Variants in FBXO9 observed in about 807,000 individuals in gnomAD.
The protein encoded by FBXO9 is F-box only protein 9.
FBXO9 carries 43 observed loss-of-function variants against 63.7 expected under a neutral mutation model. The observed-to-expected ratio is 0.67, with a 90% CI of 0.53 to 0.87. The LOEUF is 0.87. FBXO9 is among the 40% of genes least tolerant of loss of function. The probability of loss-of-function intolerance (pLI) is 0.00; values close to 1 mark genes in which losing one functional copy is unlikely to be tolerated. For synonymous variants in FBXO9, 156 were observed against 171.7 expected (o/e 0.91, Z 0.72); for missense variants, 442 against 533.2 (o/e 0.83, Z 1.68).
chr6:53,071,614 C>T (rs568520003), intron 2 of FBXO9, among the ~76,000 whole-genome samples: 62 of 152,102 alleles, frequency 4.1e-4, no homozygotes, highest in Non-Finnish European at 7.6e-4. Flanking sequence ...ATACAAATGG[C>T]CATTAAATAT....
At chr6:53,089,905 T>A (rs1311669728) in intron 7 of FBXO9, among the ~76,000 whole-genome samples, 1 of 152,206 alleles carries the variant, frequency 6.6e-6, no homozygotes, top group Non-Finnish European at 1.5e-5. Flanking sequence ...CAGTTAATGA[T>A]CTTTTCAGAT....
intron 1 of FBXO9, chr6:53,070,810 A>G (rs957571838): frequency 4.7e-6 from 2 of 428,816 alleles, no homozygotes; most frequent in African/African-American, 2.0e-5. Flanking sequence ...GCGGGGGGGA[A>G]ATGTTAGGAT....
chr6:53,073,794 A>G (rs1769004055), intron 3 of FBXO9, 155 bp downstream of exon 3: 1 of 572,648 alleles, frequency 1.7e-6, no homozygotes, highest in South Asian at 2.8e-5. Context: ...TAGTTTATAT[A>G]TTTCTCACAA....
chr6:53,082,675 T>C (rs1769354250), intron 7 of FBXO9, 57 bp downstream of exon 7: 2 of 1,241,710 alleles, frequency 1.6e-6, no homozygotes, highest in East Asian at 2.3e-5. Flanking sequence ...AAAAGAAAGA[T>C]GGTCCTTTGC....
chr6:53,086,006 G>A (rs560289991), intron 7 of FBXO9, among the ~76,000 whole-genome samples: 3 of 152,236 alleles, frequency 2.0e-5, no homozygotes, highest in East Asian at 1.9e-4. Context: ...AAAATTAGCC[G>A]GGCGTGGTGG....
chr6:53,100,229 C>G lies in FBXO9; in HGVS notation c.*2399C>G, dbSNP rs1298990910. 4 of 151,362 alleles carry G rather than the reference C, an allele frequency of 2.6e-5. No individual in the cohort carries two copies. Among genetic ancestry groups the G allele is most frequent in the Non-Finnish European group, 4.4e-5 (3 of 68,006 alleles). The allele number at this position is 151,362 out of a possible 1,614,324, so 9.4% of individuals were successfully genotyped here. On this transcript the variant is annotated 3_prime_UTR_variant, in exon 13 of 13. Coordinates refer to ENST00000323557, the MANE Select transcript of FBXO9 (RefSeq NM_033480.3). ...CAGAAGAAAATTTTTGCTATGTAAC[C>G]TTTTTCTTCTGGTCTTTGCAAATCC...
chr6:53,093,218 T>C (rs1322082658), intron 9 of FBXO9: 4 of 428,564 alleles, frequency 9.3e-6, no homozygotes, highest in Non-Finnish European at 1.6e-5. Flanking sequence ...AATATTTGAC[T>C]TTTATTCAGT....
At chr6:53,077,459 C>T (rs1173234144) in intron 4 of FBXO9, among the ~76,000 whole-genome samples, 1 of 103,682 alleles carries the variant, frequency 9.6e-6, no homozygotes, top group Admixed American at 1.6e-4. Context: ...GGCGACAGAG[C>T]GAGACTCCGT....
At chr6:53,094,094 A>G (rs1197515940) in intron 11 of FBXO9, 116 bp downstream of exon 11, 1 of 485,284 alleles carries the variant, frequency 2.1e-6, no homozygotes, top group African/African-American at 2.0e-5. Flanking sequence ...ACTGTTATAT[A>G]AAATGTATAT....
chr6:53,075,651 C>T (rs1408246757), intron 3 of FBXO9, among the ~76,000 whole-genome samples: 1 of 146,098 alleles, frequency 6.8e-6, no homozygotes, highest in Non-Finnish European at 1.5e-5. Flanking sequence ...TTTTCATGTG[C>T]TTATTTTTCA....
chr6:53,073,722 T>C, intron 3 of FBXO9, 83 bp downstream of exon 3: 1 of 1,181,576 alleles, frequency 8.5e-7, no homozygotes, highest in Non-Finnish European at 1.2e-6. Flanking sequence ...AAGTAGGCAT[T>C]ATAACCAGAC....
At chr6:53,093,261 G>A (rs1763098398) in intron 9 of FBXO9, 1 of 468,618 alleles carries the variant, frequency 2.1e-6, no homozygotes, top group South Asian at 4.7e-5. Flanking sequence ...AGTTTCCCCT[G>A]AGGAAGATAA....
intron 3 of FBXO9, 28 bp from the exon 4 acceptor site, chr6:53,076,458 C>T (rs1161497655): frequency 6.8e-7 from 1 of 1,474,722 alleles, no homozygotes; most frequent in Non-Finnish European, 9.0e-7. Flanking sequence ...TGCAGGTTTT[C>T]AAAAATTTTT....
intron 1 of FBXO9, among the ~76,000 whole-genome samples, chr6:53,069,766 C>T (rs536547252): frequency 6.6e-6 from 1 of 152,204 alleles, no homozygotes; most frequent in East Asian, 1.9e-4. Flanking sequence ...ATCTTGATTT[C>T]ACAAACTGTG....
chr6:53,082,589 G>A lies in FBXO9; in HGVS notation c.624G>A (p.Leu208=), dbSNP rs755995163. The A allele has an allele frequency of 1.3e-5, 21 of 1,613,402 alleles. No individual in the cohort carries two copies. Among genetic ancestry groups the A allele is most frequent in the Non-Finnish European group, 1.8e-5 (21 of 1,179,612 alleles). ...LDLRSLEQLS[L]VCRGFYICAR... The stretch of plus-strand genomic sequence containing the variant: ...TCAGATCATTGGAGCAGTTGTCGCT[G>A]GTGTGCAGAGGATTCTACATCTGTG... The change falls in exon 7 of 13, where the codon CTG becomes CTA. Residue 208 remains leucine (L), a synonymous_variant. Transcript: ENST00000323557.
chr6:53,070,755 G>A (rs1562062638), intron 1 of FBXO9: 1 of 337,390 alleles, frequency 3.0e-6, no homozygotes, highest in East Asian at 4.7e-5. Context: ...AGGGACAACT[G>A]TAATTAAATT....
intron 5 of FBXO9, 121 bp from the exon 6 acceptor site, chr6:53,080,847 A>G (rs1470429158): frequency 3.1e-6 from 3 of 982,458 alleles, no homozygotes; most frequent in Non-Finnish European, 4.5e-6. Flanking sequence ...AATGTATCAC[A>G]TGTTGAATAA....
At chr6:53,082,065 T>G (rs1238056797) in intron 6 of FBXO9, among the ~76,000 whole-genome samples, 2 of 151,652 alleles carry the variant, frequency 1.3e-5, no homozygotes, top group African/African-American at 4.8e-5. Flanking sequence ...CAAGAACCTG[T>G]CACAAAAAAA....
In FBXO9 at chr6:53,078,832, T is replaced by C. The variant is rs755355476; in HGVS notation, c.341T>C (p.Val114Ala). 28 of 1,613,696 alleles carry C rather than the reference T, an allele frequency of 1.7e-5. No homozygotes were observed. Among genetic ancestry groups the C allele is most frequent in the Non-Finnish European group, 2.2e-5 (26 of 1,179,706 alleles). The change falls in exon 5 of 13, where the codon GTA (valine) becomes GCA (alanine). Residue 114 changes from valine (V) to alanine (A), a missense_variant. Val to Ala is a moderately conservative substitution (Grantham distance 64). Coordinates refer to ENST00000323557, the MANE Select transcript of FBXO9 (RefSeq NM_033480.3). Reference protein sequence around the residue: ...IKFYRRAMQLVPDIEFKITYT... With the variant: ...IKFYRRAMQLAPDIEFKITYT... ...TTTTATCGTAGGGCTATGCAACTTG[T>C]ACCTGATATAGAGTTCAAGATTACT... is the stretch of plus-strand genomic sequence containing the variant.
Sources: allele counts gnomAD v4.1 joint callset (sites outside exome capture counted in the v4.1 genomes callset), GRCh38; gene constraint gnomAD v4.1.1; transcripts MANE v1.5; gene names NCBI Gene and HGNC (gene_info 2026-07-23, HGNC 2026-07-21).